CHRNA5: variants seen among roughly 807,000 people sequenced by gnomAD.
CHRNA5 encodes the protein cholinergic receptor nicotinic alpha 5 subunit.
A neutral mutation model predicts 41.2 loss-of-function variants in CHRNA5; 28 were observed. The observed-to-expected ratio is 0.68, with a 90% CI of 0.50 to 0.93. The LOEUF (loss-of-function observed/expected upper bound fraction) is 0.93. Among genes scored for constraint, CHRNA5 ranks in the 40% least tolerant of loss-of-function variants. CHRNA5 has a pLI of 0.00. For missense variants in CHRNA5, 481 were observed against 581.9 expected (o/e 0.83, Z 1.78); for synonymous variants, 188 against 205.8 (o/e 0.91, Z 0.74).
In CHRNA5 at chr15:78,588,481, T is replaced by C. The variant is rs2052981692; in HGVS notation, c.413+58T>C. 1 of 810,226 alleles carries C rather than the reference T, an allele frequency of 1.2e-6. No homozygotes were observed. The highest frequency in any genetic ancestry group is 1.8e-6 in the Non-Finnish European group (1 of 549,276). The allele number at this position is 810,226 out of a possible 1,614,324, so 50.2% of individuals were successfully genotyped here. On this transcript the variant is annotated intron_variant, in intron 4 of 5. Coordinates refer to ENST00000299565, the Ensembl canonical transcript of CHRNA5. The surrounding 1 kb of genome is among the most constrained non-coding windows in gnomAD (Gnocchi z 4.1). ...TCAAAAGAAAACATTTGTATTTCTA[T>C]TAGGCACTAATAATTTTTCTCCCTT...
At chr15:78,570,512 C>T (rs935039873) in intron 1 of CHRNA5, among the ~76,000 whole-genome samples, 5 of 147,220 alleles carry the variant, frequency 3.4e-5, no homozygotes, top group Admixed American at 6.9e-5. Flanking sequence ...TCGAATGATC[C>T]GCCCGCCTTG....
At chr15:78,594,887 TTAGTACAGTA>T (rs2053075120) in exon 6 of CHRNA5, 1 of 152,196 alleles carries the variant, frequency 6.6e-6, no homozygotes, top group Admixed American at 6.5e-5. Context: ...CGTAAATGAT[TTAGTACAGTA>T]TAATGTATCA....
chr15:78,576,123 TTTTTG>T (rs1156544419), intron 1 of CHRNA5, among the ~76,000 whole-genome samples: 1 of 152,090 alleles, frequency 6.6e-6, no homozygotes, highest in Admixed American at 6.6e-5. Flanking sequence ...GAAGTCAAGT[TTTTTG>T]TTTTGTTTGT....
At position 78,565,782 on chromosome 15, in the gene CHRNA5, GGGGCGCTGCGGTCTAGC is replaced by G; in HGVS notation, c.70_86del (p.Cys24GlyfsTer10). 8.2e-7 allele frequency: 1 copy of G among 1,221,142 alleles called. No homozygotes were observed. Among genetic ancestry groups the G allele is most frequent in the East Asian group, 3.2e-5 (1 of 31,016 alleles). 75.6% of individuals were successfully genotyped at this position (1,221,142 alleles called of 1,614,324 possible). ...TGCTGCTCTTGGTCCAGCTGGTCGC[GGGGCGCTGCGGTCTAGC>G]GGGCGCGGCGGGCGGCGCGCAGAGA... On this transcript the variant is annotated frameshift_variant, in exon 1 of 6. Coordinates refer to ENST00000299565, the Ensembl canonical transcript of CHRNA5. LOFTEE classifies it high-confidence loss of function.
At chr15:78,576,023 T>C (rs1043552070) in intron 1 of CHRNA5, among the ~76,000 whole-genome samples, 2 of 152,360 alleles carry the variant, frequency 1.3e-5, no homozygotes, top group South Asian at 4.1e-4. Context: ...AATAGTTCTT[T>C]ATAGATTTTA....
At chr15:78,565,570 G>A (rs1596053154) in exon 1 of CHRNA5, 1 of 220,990 alleles carries the variant, frequency 4.5e-6, no homozygotes, top group East Asian at 1.1e-4. Context: ...TGCTGTCCCG[G>A]CGGGAGCTGT....
At chr15:78,590,539 G>A in exon 5 of CHRNA5, 1 of 1,614,196 alleles carries the variant, frequency 6.2e-7, no homozygotes, top group South Asian at 1.1e-5. Context: ...ACTGAGAGTG[G>A]TAGTGGACCA....
intron 3 of CHRNA5, among the ~76,000 whole-genome samples, chr15:78,586,951 A>G (rs1399255262): frequency 6.6e-6 from 1 of 152,128 alleles, no homozygotes; most frequent in East Asian, 1.9e-4. Context: ...CAGACAAAAA[A>G]CCCTGTAGTA....
At position 78,582,355 on chromosome 15, in the gene CHRNA5, G is replaced by A. The variant is rs147937874; in HGVS notation, c.258+1393G>A. On this transcript the variant is annotated intron_variant, in intron 2 of 5. Transcript: ENST00000299565. The stretch of plus-strand genomic sequence containing the variant: ...ACAAAAATTAGCTGGGCGGTGGTCC[G>A]TGCCTGTAATCCCAGCTACTCAGGA... Among the ~76,000 whole-genome samples the A allele has an allele frequency of 1.4e-4, 21 of 151,950 alleles. No homozygotes were observed. In the East Asian group the frequency reaches 2.1e-3, roughly 15 times the overall value.
At chr15:78,578,658 T>C (rs1275164813) in intron 1 of CHRNA5, among the ~76,000 whole-genome samples, 1 of 152,220 alleles carries the variant, frequency 6.6e-6, no homozygotes, top group Non-Finnish European at 1.5e-5. Flanking sequence ...TTCTTTCATA[T>C]CTCTGTATGG....
At position 78,591,678 on chromosome 15, in the gene CHRNA5, TAATTTC is replaced by T. The variant is rs537796037; in HGVS notation, c.1245+1046_1245+1051del. Among the ~76,000 whole-genome samples, 12 of 152,240 alleles carry T rather than the reference TAATTTC, an allele frequency of 7.9e-5. 1 individual carries two copies. The South Asian group carries it at 2.5e-3, about 32-fold the overall frequency. On this transcript the variant is annotated intron_variant, in intron 5 of 5. Transcript: ENST00000299565. The stretch of plus-strand genomic sequence containing the variant: ...AACTTTTTTTCATATGTTAATGATT[TAATTTC>T]AATAAGACTTTCCTTCCTTATTTTA...
chr15:78,583,631 C>T (rs1268331541), intron 2 of CHRNA5, among the ~76,000 whole-genome samples: 1 of 151,292 alleles, frequency 6.6e-6, no homozygotes, highest in Admixed American at 6.6e-5. Context: ...GGAGGCGGAG[C>T]TTGCAGTGAG....
exon 5 of CHRNA5, chr15:78,590,416 C>T: frequency 1.4e-5 from 23 of 1,614,154 alleles, no homozygotes; most frequent in Non-Finnish European, 1.9e-5. Flanking sequence ...CATCGTTCTT[C>T]CTCAACACAT....
chr15:78,577,437 G>T (rs190649743), intron 1 of CHRNA5, among the ~76,000 whole-genome samples: 158 of 152,296 alleles, frequency 1.0e-3, no homozygotes, highest in East Asian at 7.7e-4. Flanking sequence ...CTGCTGTAAA[G>T]TGTCCTAAGA....
chr15:78,569,430 GA>G (rs1204541708), intron 1 of CHRNA5, among the ~76,000 whole-genome samples: 2 of 149,716 alleles, frequency 1.3e-5, no homozygotes, highest in African/African-American at 5.0e-5. Flanking sequence ...TTAAATATTG[GA>G]ATTTTTTTTT....
intron 1 of CHRNA5, among the ~76,000 whole-genome samples, chr15:78,567,707 GTGGAACAGTATTACCTCTC>G (rs1887762142): frequency 6.6e-6 from 1 of 152,238 alleles, no homozygotes; most frequent in African/African-American, 2.4e-5. Flanking sequence ...GAAGGAAGGA[GTGGAACAGTATTACCTCTC>G]TGGATATTAG....
rs935235420 is a variant in CHRNA5, at chr15:78,576,302, C to T, written c.107-4509C>T. 8.6e-5 allele frequency among the ~76,000 whole-genome samples: 13 copies of T among 152,032 alleles called. No homozygotes were observed. In the South Asian group the frequency reaches 1.4e-3, roughly 17 times the overall value. ...GCTGGGACCACAGGCGCGTGCTACACGCCCAGCTCATTATTGTGTTTTTAG... is the reference window on the plus strand; with the variant it reads ...GCTGGGACCACAGGCGCGTGCTACATGCCCAGCTCATTATTGTGTTTTTAG... On this transcript the variant is annotated intron_variant, in intron 1 of 5. Transcript: ENST00000299565.
chr15:78,581,410 A>G (rs2052912169), intron 2 of CHRNA5, among the ~76,000 whole-genome samples: 1 of 152,204 alleles, frequency 6.6e-6, no homozygotes, highest in South Asian at 2.1e-4. Flanking sequence ...ATTTTTCTAT[A>G]TGACGTTCAT....
chr15:78,581,054 C>G lies in CHRNA5; in HGVS notation c.258+92C>G, dbSNP rs2052909880. 15 of 1,330,280 alleles carry G rather than the reference C, an allele frequency of 1.1e-5. No individual in the cohort carries two copies. The South Asian group carries it at 2.1e-4, about 19-fold the overall frequency. 82.4% of individuals were successfully genotyped at this position (1,330,280 alleles called of 1,614,324 possible). A position where few individuals can be genotyped will look rare whatever the true frequency, so the allele number is the denominator to read the frequency against. The stretch of plus-strand genomic sequence containing the variant: ...GCACTGTGCTAGGCACCAAGGATTA[C>G]AAAGGTGATTGAAGCAGTCCTTTGC... On this transcript the variant is annotated intron_variant, in intron 2 of 5. Coordinates refer to ENST00000299565, the Ensembl canonical transcript of CHRNA5.
Sources: allele counts gnomAD v4.1 joint callset (sites outside exome capture counted in the v4.1 genomes callset), GRCh38; gene constraint gnomAD v4.1.1; non-coding constraint Gnocchi (gnomAD v3.1); transcripts MANE v1.5; gene names NCBI Gene and HGNC (gene_info 2026-07-23, HGNC 2026-07-21).